RBM44: variants seen among roughly 807,000 people sequenced by gnomAD.
RBM44 encodes the protein RNA-binding protein 44.
A neutral mutation model predicts 105.1 loss-of-function variants in RBM44; 66 were observed. The observed-to-expected ratio is 0.63, with a 90% CI of 0.52 to 0.77. RBM44 has a LOEUF of 0.77. Ranked by LOEUF, RBM44 falls within the 30% of genes least tolerant of loss-of-function variation. The pLI is 0.00. For missense variants in RBM44, 1,122 were observed against 1,207.8 expected (o/e 0.93, Z 1.05); for synonymous variants, 365 against 417.6 (o/e 0.87, Z 1.54).
intron 1 of RBM44, among the ~76,000 whole-genome samples, chr2:237,799,666 G>A (rs998553769): frequency 6.6e-6 from 1 of 152,190 alleles, no homozygotes; most frequent in African/African-American, 2.4e-5. Flanking sequence ...CAAGTGCCAA[G>A]GCTAACACAG....
rs1341477166 is a variant in RBM44, at chr2:237,817,560, C to T, written c.641C>T (p.Pro214Leu). 9.9e-6 allele frequency: 16 copies of T among 1,612,208 alleles called. No homozygotes were observed. Among genetic ancestry groups the T allele is most frequent in the Non-Finnish European group, 1.4e-5 (16 of 1,179,110 alleles). The part of the protein sequence containing the change: ...DQTKALDISN[P>L]EVVELGNSGY... ...ACAAAAGCATTAGATATATCTAATC[C>T]AGAAGTTGTTGAATTAGGAAATTCG... Residue 214 changes from proline (P) to leucine (L), a missense_variant, in exon 3 of 16, where the codon CCA becomes CTA. Physicochemically the swap from Pro to Leu is moderately conservative, Grantham distance 98. Coordinates refer to ENST00000316997, the MANE Select transcript of RBM44 (RefSeq NM_001080504.3).
chr2:237,814,182 A>G lies in RBM44; in HGVS notation c.73+500A>G, dbSNP rs552779875. ...TATTCTAGATTAAAACAAAAACTCTACATTGTTCATGAGACATATTTAAAA... is the reference window on the plus strand; with the variant it reads ...TATTCTAGATTAAAACAAAAACTCTGCATTGTTCATGAGACATATTTAAAA... On this transcript the variant is annotated intron_variant, in intron 2 of 15. Coordinates refer to ENST00000316997, the MANE Select transcript of RBM44 (RefSeq NM_001080504.3). Among the ~76,000 whole-genome samples the G allele has an allele frequency of 3.3e-5, 5 of 152,280 alleles. No homozygotes were observed. The South Asian group carries it at 8.3e-4, about 25-fold the overall frequency.
At chr2:237,825,756 A>G (rs969560353) in intron 10 of RBM44, among the ~76,000 whole-genome samples, 1 of 152,120 alleles carries the variant, frequency 6.6e-6, no homozygotes, top group Non-Finnish European at 1.5e-5. Context: ...TGATGGGTAT[A>G]ATGTATGTCT....
chr2:237,837,934 G>A (rs991746468), intron 15 of RBM44, among the ~76,000 whole-genome samples: 5 of 151,240 alleles, frequency 3.3e-5, no homozygotes, highest in African/African-American at 7.3e-5. Flanking sequence ...AAGTTTGAGG[G>A]TGTTTAAAAA....
rs375936573 is a variant in RBM44 at position 237,814,586 on chromosome 2, A to T, written c.73+904A>T. Among the ~76,000 whole-genome samples, 23 of 152,294 alleles carry T rather than the reference A, an allele frequency of 1.5e-4. No homozygotes were observed. The East Asian group carries it at 4.0e-3, about 27-fold the overall frequency. ...AATTTTAAAATACAGGAAAAAACTT[A>T]CCAGATATAAAAATAACCTGTGATA... On this transcript the variant is annotated intron_variant, in intron 2 of 15. Coordinates refer to ENST00000316997, the MANE Select transcript of RBM44 (RefSeq NM_001080504.3).
At chr2:237,811,885 C>T (rs1025156277) in intron 1 of RBM44, among the ~76,000 whole-genome samples, 8 of 152,034 alleles carry the variant, frequency 5.3e-5, no homozygotes, top group Admixed American at 1.3e-4. Flanking sequence ...TTTGGAGTCT[C>T]GCGCTGTCAC....
In RBM44 at chr2:237,817,131, T is replaced by A. The variant is rs763618103; in HGVS notation, c.212T>A (p.Ile71Asn). The A allele has an allele frequency of 1.9e-6, 3 of 1,609,378 alleles. No homozygotes were observed. The highest frequency in any genetic ancestry group is 2.5e-6 in the Non-Finnish European group (3 of 1,178,322). The change falls in exon 3 of 16, where the codon ATT becomes AAT. Residue 71 changes from isoleucine to asparagine, a missense_variant. By Grantham distance (149) the Ile-to-Asn change is moderately radical. Around this residue, in one of 3 missense-constraint regions of RBM44, gnomAD observed 918 missense variants for 955.3 expected, o/e 0.96. Coordinates refer to ENST00000316997, the MANE Select transcript of RBM44 (RefSeq NM_001080504.3). ...GCTAATAATAAAGAAATCAGCAATA[T>A]TGACAAAATGGATTTATTAGAGCCA... is the stretch of plus-strand genomic sequence containing the variant. Reference protein sequence around the residue: ...QRANNKEISNIDKMDLLEPFF... With the variant: ...QRANNKEISNNDKMDLLEPFF...
chr2:237,821,951 C>A, intron 8 of RBM44, 124 bp downstream of exon 8: 1 of 646,460 alleles, frequency 1.5e-6, no homozygotes, highest in Non-Finnish European at 2.8e-6. Context: ...TGTGTACTAC[C>A]ATTTGAGGGA....
intron 1 of RBM44, among the ~76,000 whole-genome samples, chr2:237,806,191 C>G (rs1242534497): frequency 6.6e-6 from 1 of 152,046 alleles, no homozygotes; most frequent in African/African-American, 2.4e-5. Flanking sequence ...ATTTTAGTGG[C>G]TGTAGATACC....
At chr2:237,815,350 C>G (rs569885288) in intron 2 of RBM44, among the ~76,000 whole-genome samples, 1 of 152,246 alleles carries the variant, frequency 6.6e-6, no homozygotes, top group East Asian at 1.9e-4. Flanking sequence ...TCAAACTCTA[C>G]TTGCCCAGAA....
At chr2:237,799,624 G>T (rs1238559453) in intron 1 of RBM44, among the ~76,000 whole-genome samples, 2 of 152,160 alleles carry the variant, frequency 1.3e-5, no homozygotes, top group African/African-American at 4.8e-5. Context: ...ACTTTTTAAG[G>T]AAATGGAAAG....
Position 237,818,344 on chromosome 2 carries a change from G to T in RBM44, c.1425G>T (p.Arg475Ser), listed in dbSNP as rs780973590. The change falls in exon 3 of 16, where the codon AGG becomes AGT. Residue 475 changes from arginine (R) to serine (S), a missense_variant. Around this residue, in one of 3 missense-constraint regions of RBM44, gnomAD observed 918 missense variants for 955.3 expected, o/e 0.96. Transcript: ENST00000316997. This position sits in a 1 kb window ranked among gnomAD's most constrained non-coding sequence, Gnocchi z 4.6. The stretch of plus-strand genomic sequence containing the variant: ...CAGTGGACGTTAGCACTGATTTTAG[G>T]GCTTGTTTCACAACCAGCAGGGCAA... The part of the protein sequence containing the change: ...NQTVDVSTDF[R>S]ACFTTSRATS... 2 of 1,613,144 alleles carry T rather than the reference G, an allele frequency of 1.2e-6. No homozygotes were observed. Among genetic ancestry groups the T allele is most frequent in the East Asian group, 4.5e-5 (2 of 44,860 alleles).
At chr2:237,821,003 T>C (rs1348569978) in intron 5 of RBM44, 68 bp from the exon 6 acceptor site, 12 of 1,144,332 alleles carry the variant, frequency 1.0e-5, no homozygotes, top group South Asian at 3.2e-5. Context: ...GTGTATAATA[T>C]AATATTAGTG....
intron 13 of RBM44, 109 bp downstream of exon 13, chr2:237,829,611 C>T (rs1255497584): frequency 3.1e-6 from 3 of 966,604 alleles, no homozygotes; most frequent in Admixed American, 2.5e-5. Flanking sequence ...GGAATGACAG[C>T]ATTAATCTGA....
chr2:237,831,247 G>C (rs868820428), intron 13 of RBM44, among the ~76,000 whole-genome samples: 1 of 136,708 alleles, frequency 7.3e-6, no homozygotes, highest in Non-Finnish European at 1.6e-5. Flanking sequence ...TTTTTTTGGG[G>C]GGGGGGGGGT....
At chr2:237,819,791 CTT>C (rs1256044162) in intron 4 of RBM44, among the ~76,000 whole-genome samples, 5 of 151,840 alleles carry the variant, frequency 3.3e-5, no homozygotes, top group Admixed American at 1.3e-4. Flanking sequence ...ATGCTTATAA[CTT>C]TTAAAAATCT....
intron 15 of RBM44, among the ~76,000 whole-genome samples, chr2:237,840,454 C>T (rs982207628): frequency 2.6e-5 from 4 of 152,050 alleles, no homozygotes; most frequent in African/African-American, 9.7e-5. Flanking sequence ...CAGCCTAAAA[C>T]TTATAAAAAC....
chr2:237,826,793 A>C (rs1256669276), intron 10 of RBM44, among the ~76,000 whole-genome samples: 1 of 152,172 alleles, frequency 6.6e-6, no homozygotes, highest in African/African-American at 2.4e-5. Context: ...CAGTATAACA[A>C]GTATTTACAT....
chr2:237,806,003 A>G (rs2061595833), intron 1 of RBM44, among the ~76,000 whole-genome samples: 1 of 152,118 alleles, frequency 6.6e-6, no homozygotes, highest in African/African-American at 2.4e-5. Flanking sequence ...CAACAACAAC[A>G]ACAAAAGAGT....
Sources: allele counts gnomAD v4.1 joint callset (sites outside exome capture counted in the v4.1 genomes callset), GRCh38; gene constraint gnomAD v4.1.1; regional missense constraint gnomAD v4.1.1; non-coding constraint Gnocchi (gnomAD v3.1); transcripts MANE v1.5; gene names NCBI Gene and HGNC (gene_info 2026-07-23, HGNC 2026-07-21).